PCDH15: variants seen among roughly 807,000 people sequenced by gnomAD.
PCDH15 encodes the protein protocadherin-15.
PCDH15 carries 129 observed loss-of-function variants against 178.5 expected under a neutral mutation model. The observed-to-expected ratio is 0.72, with a 90% CI of 0.63 to 0.84. PCDH15 has a LOEUF of 0.84. Ranked by LOEUF, PCDH15 falls within the 40% of genes least tolerant of loss-of-function variation. The probability of loss-of-function intolerance (pLI) is 0.00; values close to 1 mark genes in which losing one functional copy is unlikely to be tolerated. For synonymous variants in PCDH15, 800 were observed against 732.0 expected (o/e 1.09, Z -1.50); for missense variants, 2,230 against 2,099.9 (o/e 1.06, Z -1.21).
chr10:54,314,155 A>G (rs1591749728), intron 8 of PCDH15, among the ~76,000 whole-genome samples: 1 of 143,810 alleles, frequency 7.0e-6, no homozygotes, highest in Non-Finnish European at 1.5e-5. Context: ...ACACACACAC[A>G]CACACACACG....
intron 2 of PCDH15, among the ~76,000 whole-genome samples, chr10:55,127,187 C>T (rs956441920): frequency 1.3e-5 from 2 of 152,074 alleles, no homozygotes; most frequent in Non-Finnish European, 2.9e-5. Context: ...TTGGATGCCA[C>T]CATTAAATAT....
At chr10:54,481,155 A>G (rs988225402) in intron 3 of PCDH15, among the ~76,000 whole-genome samples, 1 of 151,930 alleles carries the variant, frequency 6.6e-6, no homozygotes, top group Admixed American at 6.6e-5. Flanking sequence ...TTCTATATGA[A>G]TAGCACAGTC....
At chr10:54,616,945 A>G (rs1412675463) in intron 2 of PCDH15, among the ~76,000 whole-genome samples, 1 of 152,294 alleles carries the variant, frequency 6.6e-6, no homozygotes, top group African/African-American at 2.4e-5. Flanking sequence ...TAAATTCAGC[A>G]TAAAAAAGAA....
intron 1 of PCDH15, among the ~76,000 whole-genome samples, chr10:54,761,223 A>T (rs1947834768): frequency 6.6e-6 from 1 of 152,108 alleles, no homozygotes; most frequent in South Asian, 2.1e-4. Flanking sequence ...AAAATAATTT[A>T]TTTCAGGCAC....
intron 2 of PCDH15, among the ~76,000 whole-genome samples, chr10:55,374,407 T>G (rs1260097669): frequency 6.6e-6 from 1 of 152,118 alleles, no homozygotes. Context: ...CTTTGTTCAT[T>G]CCAGTGCTTG....
chr10:54,022,196 T>G (rs2135309297), intron 19 of PCDH15, among the ~76,000 whole-genome samples: 1 of 152,062 alleles, frequency 6.6e-6, no homozygotes, highest in East Asian at 1.9e-4. Flanking sequence ...AAATGCAGAT[T>G]TATGGATCAG....
chr10:54,980,151 A>G (rs1839194139), intron 2 of PCDH15, among the ~76,000 whole-genome samples: 1 of 152,212 alleles, frequency 6.6e-6, no homozygotes. Flanking sequence ...GACCTTGAGC[A>G]GTAGGATATA....
chr10:54,620,343 G>A (rs2093316976), intron 2 of PCDH15, among the ~76,000 whole-genome samples: 1 of 151,914 alleles, frequency 6.6e-6, no homozygotes, highest in African/African-American at 2.4e-5. Flanking sequence ...GGAAAAATCT[G>A]ATACAATGGA....
intron 18 of PCDH15, among the ~76,000 whole-genome samples, chr10:54,062,240 AAAAAAAAAAAAACAAAAAAC>A (rs960945338): frequency 1.4e-5 from 2 of 142,912 alleles, no homozygotes; most frequent in South Asian, 2.2e-4. Flanking sequence ...AAAAAAAAAA[AAAAAAAAAAAAACAAAAAAC>A]AACTAAATGA....
chr10:54,782,432 A>G (rs187285250), intron 1 of PCDH15, among the ~76,000 whole-genome samples: 2 of 152,256 alleles, frequency 1.3e-5, no homozygotes, highest in East Asian at 3.9e-4. Context: ...TTTTCCTGTC[A>G]TCTGGCAAAG....
chr10:54,656,940 TTTTCCA>T (rs1240722929), intron 2 of PCDH15, among the ~76,000 whole-genome samples: 3 of 152,154 alleles, frequency 2.0e-5, no homozygotes, highest in African/African-American at 7.2e-5. Flanking sequence ...TGGTGTAAAC[TTTTCCA>T]GTGGTTTTCA....
At chr10:54,629,782 G>GA (rs1014724680) in intron 2 of PCDH15, among the ~76,000 whole-genome samples, 5 of 151,910 alleles carry the variant, frequency 3.3e-5, no homozygotes, top group African/African-American at 1.2e-4. Flanking sequence ...ATCTAAATAG[G>GA]AAAAAAGGCA....
intron 1 of PCDH15, among the ~76,000 whole-genome samples, chr10:55,189,048 G>A (rs1490265104): frequency 6.6e-6 from 1 of 151,728 alleles, no homozygotes; most frequent in Non-Finnish European, 1.5e-5. Flanking sequence ...GTAGTAAACT[G>A]ATCATCAAAA....
At chr10:55,412,009 T>C (rs771737350) in intron 2 of PCDH15, among the ~76,000 whole-genome samples, 18 of 152,078 alleles carry the variant, frequency 1.2e-4, no homozygotes, top group Non-Finnish European at 2.2e-4. Flanking sequence ...GAAAACATTT[T>C]ACAATCTGCG....
intron 2 of PCDH15, among the ~76,000 whole-genome samples, chr10:55,502,240 C>T (rs1166343601): frequency 1.3e-5 from 2 of 151,588 alleles, no homozygotes; most frequent in East Asian, 2.0e-4. Flanking sequence ...ACTTGTATTG[C>T]TCTTTATGCC....
chr10:54,487,886 C>T (rs982547223), intron 3 of PCDH15, among the ~76,000 whole-genome samples: 3 of 151,762 alleles, frequency 2.0e-5, no homozygotes, highest in Non-Finnish European at 2.9e-5. Flanking sequence ...AATAAAAATG[C>T]ATATATACAC....
intron 2 of PCDH15, among the ~76,000 whole-genome samples, chr10:54,625,514 TG>T (rs1439842732): frequency 6.6e-6 from 1 of 152,086 alleles, no homozygotes; most frequent in Non-Finnish European, 1.5e-5. Context: ...TGATGGTGAA[TG>T]GGTCTCCTGA....
At chr10:55,110,984 C>A (rs1490785458) in intron 2 of PCDH15, among the ~76,000 whole-genome samples, 1 of 152,056 alleles carries the variant, frequency 6.6e-6, no homozygotes, top group East Asian at 1.9e-4. Flanking sequence ...TTTCTTATAG[C>A]AATTAGACTG....
intron 10 of PCDH15, among the ~76,000 whole-genome samples, chr10:54,212,959 G>C (rs549889143): frequency 1.3e-5 from 2 of 151,906 alleles, no homozygotes; most frequent in East Asian, 3.9e-4. Context: ...CTAAAATTGC[G>C]GCAACAGTTC....
Sources: allele counts gnomAD v4.1 joint callset (sites outside exome capture counted in the v4.1 genomes callset), GRCh38; gene constraint gnomAD v4.1.1; transcripts MANE v1.5; gene names NCBI Gene and HGNC (gene_info 2026-07-23, HGNC 2026-07-21).